C10orf90: variants seen among roughly 807,000 people sequenced by gnomAD.
C10orf90 encodes the protein chromosome 10 open reading frame 90.
A neutral mutation model predicts 62.5 loss-of-function variants in C10orf90; 56 were observed. The ratio of observed to expected loss-of-function variants is 0.90; its 90% confidence interval spans 0.72 to 1.12. The LOEUF (loss-of-function observed/expected upper bound fraction) is 1.12, where lower values mean the gene tolerates loss of function less well. Ranked by LOEUF, C10orf90 falls within the 50% of genes most tolerant of loss-of-function variation. The probability of loss-of-function intolerance (pLI) is 0.00; values close to 1 mark genes in which losing one functional copy is unlikely to be tolerated. For synonymous variants in C10orf90, 386 were observed against 340.4 expected, an observed-to-expected ratio of 1.13 and a Z score of -1.47; for missense variants, 970 against 880.4, an observed-to-expected ratio of 1.10 and a Z score of -1.29.
Position 126,475,065 on chromosome 10 carries a change from A to G in C10orf90, c.1535-10079T>C, listed in dbSNP as rs1391307377. Reference sequence around the variant, plus strand: ...ATCAATTCTGACTCCAGCACTGAGCAGTGAATGTCACCTGTGCTGAGCAGT... The same window carrying G: ...ATCAATTCTGACTCCAGCACTGAGCGGTGAATGTCACCTGTGCTGAGCAGT... On this transcript the variant is annotated intron_variant, in intron 4 of 9. Coordinates refer to ENST00000488181, the MANE Select transcript of C10orf90 (RefSeq NM_001350921.2). Among the ~76,000 whole-genome samples the G allele has an allele frequency of 5.3e-5, 8 of 152,242 alleles. No homozygotes were observed. The South Asian group carries it at 1.2e-3, about 24-fold the overall frequency.
intron 2 of C10orf90, among the ~76,000 whole-genome samples, chr10:126,605,868 A>AATACGTACATGC (rs1845298305): frequency 7.3e-6 from 1 of 137,610 alleles, no homozygotes; most frequent in Admixed American, 7.3e-5. Context: ...AAAACCTAAA[A>AATACGTACATGC]ATACATACAT....
intron 2 of C10orf90, among the ~76,000 whole-genome samples, chr10:126,585,814 A>T (rs1027719759): frequency 4.6e-5 from 7 of 152,160 alleles, no homozygotes; most frequent in African/African-American, 1.7e-4. Context: ...CTGGTTCTCC[A>T]AGTGGAGTTC....
At chr10:126,590,490 T>G (rs905117096) in intron 2 of C10orf90, among the ~76,000 whole-genome samples, 1 of 152,200 alleles carries the variant, frequency 6.6e-6, no homozygotes. Context: ...TAACAGTCTC[T>G]CAGACCACAG....
chr10:126,447,377 G>A (rs11524814), intron 7 of C10orf90, among the ~76,000 whole-genome samples: 1 of 152,118 alleles, frequency 6.6e-6, no homozygotes, highest in Non-Finnish European at 1.5e-5. Flanking sequence ...AAAGAGAGCA[G>A]AGGTAGCTAT....
At position 126,513,472 on chromosome 10, in the gene C10orf90, C is replaced by T. The variant is rs557141348; in HGVS notation, c.405+376G>A. Among the ~76,000 whole-genome samples the T allele has an allele frequency of 5.3e-5, 8 of 152,276 alleles. No homozygotes were observed. The South Asian group carries it at 1.7e-3, about 32-fold the overall frequency. ...TATAAATATGACCTCTAATTTTCCTCCCTATTCAGACCACTGACACTTTTT... is the reference window on the plus strand; with the variant it reads ...TATAAATATGACCTCTAATTTTCCTTCCTATTCAGACCACTGACACTTTTT... On this transcript the variant is annotated intron_variant, in intron 3 of 9. Transcript: ENST00000488181.
At chr10:126,482,948 T>C (rs771676483) in intron 4 of C10orf90, among the ~76,000 whole-genome samples, 1 of 152,234 alleles carries the variant, frequency 6.6e-6, no homozygotes, top group Non-Finnish European at 1.5e-5. Context: ...TTTTAAGTTA[T>C]CTGCATTTGG....
At chr10:126,521,999 T>C (rs1863766014) in intron 2 of C10orf90, among the ~76,000 whole-genome samples, 2 of 152,202 alleles carry the variant, frequency 1.3e-5, no homozygotes, top group South Asian at 4.1e-4. Context: ...CCTGGCGTGG[T>C]GGCTCATGCC....
intron 5 of C10orf90, 126 bp from the exon 6 acceptor site, chr10:126,461,711 G>GTTAAGC: frequency 1.0e-6 from 1 of 960,402 alleles, no homozygotes; most frequent in Non-Finnish European, 1.5e-6. Context: ...AATGGGCCTC[G>GTTAAGC]TTAAGCTGAC....
rs1268959315 is a variant in C10orf90, at chr10:126,605,240, T to C, written c.313+41325A>G. 9.9e-5 allele frequency among the ~76,000 whole-genome samples: 15 copies of C among 152,220 alleles called. 1 individual carries two copies. Among genetic ancestry groups the C allele is most frequent in the Admixed American group, 9.8e-4 (15 of 15,280 alleles). On this transcript the variant is annotated intron_variant, in intron 2 of 9. Coordinates refer to ENST00000488181, the MANE Select transcript of C10orf90 (RefSeq NM_001350921.2). ...TAAATGCCCTCAGAGGGGCGTGTGC[T>C]TTGGTGCGCCAAGCCAAAGGAAAGA...
At chr10:126,508,939 C>A (rs1044087324) in intron 3 of C10orf90, among the ~76,000 whole-genome samples, 1 of 152,126 alleles carries the variant, frequency 6.6e-6, no homozygotes, top group African/African-American at 2.4e-5. Flanking sequence ...ATGGGAAATA[C>A]CTGACTCTGA....
chr10:126,511,148 C>T (rs1489089136), intron 3 of C10orf90, among the ~76,000 whole-genome samples: 1 of 152,110 alleles, frequency 6.6e-6, no homozygotes, highest in South Asian at 2.1e-4. Context: ...CATTTCATCT[C>T]GAATGGAAGC....
At position 126,670,394 on chromosome 10, in the gene C10orf90, C is replaced by G. The variant is rs1306529839; in HGVS notation, c.87G>C (p.Gln29His). 6.6e-6 allele frequency: 3 copies of G among 456,742 alleles called. No individual in the cohort carries two copies. The Admixed American group carries it at 7.0e-5, about 11-fold the overall frequency. The allele number at this position is 456,742 out of a possible 1,614,324, so 28.3% of individuals were successfully genotyped here. A position where few individuals can be genotyped will look rare whatever the true frequency, so the allele number is the denominator to read the frequency against. Reference sequence around the variant, plus strand: ...TCAACTCTGTACTAAATGTTTTTATCTGGAAAGTCCGATGCACGGCCGTTT... The same window carrying G: ...TCAACTCTGTACTAAATGTTTTTATGTGGAAAGTCCGATGCACGGCCGTTT... Reference protein sequence around the residue: ...YTETAVHRTFQIKTFSTELKN... With the variant: ...YTETAVHRTFHIKTFSTELKN... The change falls in exon 1 of 10, where the codon CAG becomes CAC. Residue 29 changes from glutamine (Q) to histidine (H), a missense_variant. Physicochemically the swap from Gln to His is conservative, Grantham distance 24 (BLOSUM62 0). Coordinates refer to ENST00000488181, the MANE Select transcript of C10orf90 (RefSeq NM_001350921.2).
At chr10:126,483,743 G>T (rs928569894) in intron 4 of C10orf90, among the ~76,000 whole-genome samples, 1 of 152,228 alleles carries the variant, frequency 6.6e-6, no homozygotes, top group African/African-American at 2.4e-5. Context: ...CAACCCTTCA[G>T]AGGCCCCAGA....
At chr10:126,519,708 C>T (rs527498230) in intron 2 of C10orf90, among the ~76,000 whole-genome samples, 14 of 152,300 alleles carry the variant, frequency 9.2e-5, no homozygotes, top group Admixed American at 2.6e-4. Context: ...TGTGATTTGG[C>T]GCTATTGACT....
intron 2 of C10orf90, among the ~76,000 whole-genome samples, chr10:126,564,681 G>A (rs918383197): frequency 1.4e-5 from 2 of 146,258 alleles, no homozygotes; most frequent in African/African-American, 5.1e-5. Flanking sequence ...CTGGCTTTGG[G>A]CTTCCTTCTC....
intron 1 of C10orf90, among the ~76,000 whole-genome samples, chr10:126,667,476 T>G (rs75852067): frequency 2.2e-3 from 328 of 152,302 alleles, no homozygotes; most frequent in African/African-American, 7.1e-3. Context: ...AAATCTTTCT[T>G]TGGCTCATTT....
intron 2 of C10orf90, chr10:126,521,519 AG>A: frequency 7.5e-7 from 1 of 1,329,410 alleles, no homozygotes; most frequent in African/African-American, 1.5e-5. Flanking sequence ...GAATGTTTAC[AG>A]GGCAACCAGG....
At chr10:126,641,121 G>A (rs1846050515) in intron 2 of C10orf90, among the ~76,000 whole-genome samples, 1 of 152,142 alleles carries the variant, frequency 6.6e-6, no homozygotes. Context: ...CTTGTTAACA[G>A]AGAAGCTGCA....
intron 2 of C10orf90, among the ~76,000 whole-genome samples, chr10:126,609,079 C>T (rs1240717260): frequency 6.6e-6 from 1 of 152,122 alleles, no homozygotes; most frequent in East Asian, 1.9e-4. Context: ...TCAGTTTATC[C>T]AGTTGTAAAA....
Sources: gnomAD v4.1 joint callset for allele counts (sites outside exome capture counted in the v4.1 genomes callset) on GRCh38, gnomAD v4.1.1 for gene constraint, MANE v1.5 for transcripts, NCBI Gene and HGNC (gene_info 2026-07-23, HGNC 2026-07-21) for gene names.